CD4: variants seen among roughly 807,000 people sequenced by gnomAD.
CD4 encodes CD4 molecule.
Under a neutral mutation model 50.5 loss-of-function variants are expected in CD4, and 25 were observed. That is an observed-to-expected ratio of 0.49 (90% CI 0.36 to 0.69). The LOEUF (loss-of-function observed/expected upper bound fraction) is 0.69. Ranked by LOEUF, CD4 falls within the 30% of genes least tolerant of loss-of-function variation. The pLI is 0.00. For synonymous variants in CD4, 207 were observed against 221.9 expected (o/e 0.93, Z 0.60); for missense variants, 456 against 548.5 (o/e 0.83, Z 1.68).
rs151282122 is a variant in CD4 at position 6,816,763 on chromosome 12, T to G, written c.955+360T>G. Among the ~76,000 whole-genome samples the G allele has an allele frequency of 1.8e-3, 278 of 152,332 alleles. No individual in the cohort carries two copies. Among genetic ancestry groups the G allele is most frequent in the African/African-American group, 6.1e-3 (254 of 41,572 alleles). Reference sequence around the variant, plus strand: ...CTCTGTGTGATAGTAATGATGATAATGTCAAGCTCCAAATTGAGTTTCTGG... The same window carrying G: ...CTCTGTGTGATAGTAATGATGATAAGGTCAAGCTCCAAATTGAGTTTCTGG... On this transcript the variant is annotated intron_variant, in intron 6 of 9. Coordinates refer to ENST00000011653, the MANE Select transcript of CD4 (RefSeq NM_000616.5). The surrounding 1 kb of genome is among the most constrained non-coding windows in gnomAD (Gnocchi z 4.9).
intron 3 of CD4, among the ~76,000 whole-genome samples, chr12:6,806,182 CAT>C (rs797027720): frequency 4.1e-4 from 33 of 80,012 alleles, no homozygotes; most frequent in South Asian, 1.8e-3. Flanking sequence ...CACACACACA[CAT>C]ACACAAGTAT....
At chr12:6,815,066 C>T (rs1943051017) in intron 5 of CD4, 74 bp downstream of exon 5, 1 of 1,024,132 alleles carries the variant, frequency 9.8e-7, no homozygotes, top group African/African-American at 1.6e-5. Context: ...GCTCTGACTG[C>T]CCTGTTTCTG....
rs782502948 is a variant in CD4, at chr12:6,808,270, A to G, written c.215-5872A>G. Among the ~76,000 whole-genome samples, 42 of 148,098 alleles carry G rather than the reference A, an allele frequency of 2.8e-4. No individual in the cohort carries two copies. In the East Asian group the frequency reaches 3.5e-3, roughly 12 times the overall value. On this transcript the variant is annotated intron_variant, in intron 3 of 9. Coordinates refer to ENST00000011653, the MANE Select transcript of CD4 (RefSeq NM_000616.5). ...GAGATTGAGCCACTCTGGCTAACAC[A>G]GTGAAACCCCGTCTCTACTAAAATA...
In CD4 at chr12:6,818,650, C is replaced by A; in HGVS notation, c.1278+108C>A. 3.6e-6 allele frequency: 5 copies of A among 1,399,850 alleles called. No homozygotes were observed. Among genetic ancestry groups the A allele is most frequent in the African/African-American group, 1.4e-5 (1 of 70,624 alleles). 86.7% of individuals were successfully genotyped at this position (1,399,850 alleles called of 1,614,324 possible). A position where few individuals can be genotyped will look rare whatever the true frequency, so the allele number is the denominator to read the frequency against. On this transcript the variant is annotated intron_variant, in intron 8 of 9. Transcript: ENST00000011653. This position sits in a 1 kb window ranked among gnomAD's most constrained non-coding sequence, Gnocchi z 5.0. ...TTTGGCCCAGCTCCCTCTGCCCACT[C>A]GTAAGTTCCCTTGCTGCCCTGTCCC...
intron 5 of CD4, 88 bp downstream of exon 5, chr12:6,815,080 C>G: frequency 1.1e-6 from 1 of 930,374 alleles, no homozygotes; most frequent in Non-Finnish European, 1.7e-6. Flanking sequence ...GTTTCTGGTT[C>G]TGGTGCTGGG....
chr12:6,796,508 A>G (rs1942380439), intron 1 of CD4, among the ~76,000 whole-genome samples: 1 of 152,154 alleles, frequency 6.6e-6, no homozygotes, highest in Non-Finnish European at 1.5e-5. Flanking sequence ...AAGACACTTG[A>G]GCCCTGCTCC....
chr12:6,813,921 A>C (rs148942025), intron 3 of CD4: 3 of 438,892 alleles, frequency 6.8e-6, no homozygotes, highest in African/African-American at 3.9e-5. Context: ...GTGCTCTCCA[A>C]ATAAGGATAT....
Position 6,814,169 on chromosome 12 carries a change from A to T in CD4, c.242A>T (p.Asp81Val), listed in dbSNP as rs200573785. Residue 81 changes from aspartate to valine, a missense_variant, in exon 4 of 10, where the codon GAC becomes GTC. Transcript: ENST00000011653. ...KGPSKLNDRA[D>V]SRRSLWDQGN... is the part of the protein sequence containing the mutation. Reference sequence around the variant, plus strand: ...CCATCCAAGCTGAATGATCGCGCTGACTCAAGAAGAAGCCTTTGGGACCAA... The same window carrying T: ...CCATCCAAGCTGAATGATCGCGCTGTCTCAAGAAGAAGCCTTTGGGACCAA... 2 of 1,613,932 alleles carry T rather than the reference A, an allele frequency of 1.2e-6. No homozygotes were observed. The highest frequency in any genetic ancestry group is 1.7e-6 in the Non-Finnish European group (2 of 1,179,994).
At chr12:6,790,272 C>T (rs539284722) in intron 1 of CD4, among the ~76,000 whole-genome samples, 23 of 152,224 alleles carry the variant, frequency 1.5e-4, no homozygotes, top group Admixed American at 1.4e-3. Flanking sequence ...TTTCATAAGT[C>T]GCATGATCTA....
At chr12:6,800,500 A>G (rs1942512375) in intron 3 of CD4, 29 bp downstream of exon 3, 1 of 1,591,802 alleles carries the variant, frequency 6.3e-7, no homozygotes, top group Non-Finnish European at 8.6e-7. Context: ...CCATCCAGGG[A>G]GGAAAACACA....
intron 3 of CD4, among the ~76,000 whole-genome samples, chr12:6,803,058 G>T (rs1031229370): frequency 2.6e-5 from 4 of 151,458 alleles, no homozygotes; most frequent in Non-Finnish European, 5.9e-5. Context: ...AAGTAATCTG[G>T]CAATGTTTAA....
Position 6,817,075 on chromosome 12 carries a change from T to G in CD4, c.956-55T>G, listed in dbSNP as rs919830785. On this transcript the variant is annotated intron_variant, in intron 6 of 9. Coordinates refer to ENST00000011653, the MANE Select transcript of CD4 (RefSeq NM_000616.5). ...AAGGTCACCCATATAGAGTATCATTTTAATTGTTCTACTGAATCTCAGGCC... is the reference window on the plus strand; with the variant it reads ...AAGGTCACCCATATAGAGTATCATTGTAATTGTTCTACTGAATCTCAGGCC... 119 of 1,476,190 alleles carry G rather than the reference T, an allele frequency of 8.1e-5. 1 individual carries two copies. The highest frequency in any genetic ancestry group is 2.3e-5 in the East Asian group (1 of 44,004). 91.4% of individuals were successfully genotyped at this position (1,476,190 alleles called of 1,614,324 possible).
intron 3 of CD4, among the ~76,000 whole-genome samples, chr12:6,802,221 G>A (rs782562506): frequency 2.0e-5 from 3 of 151,846 alleles, no homozygotes; most frequent in Admixed American, 6.6e-5. Flanking sequence ...AAAATATTTG[G>A]TCAATGAAGA....
chr12:6,805,966 A>G (rs1942741806), intron 3 of CD4, among the ~76,000 whole-genome samples: 1 of 151,996 alleles, frequency 6.6e-6, no homozygotes, highest in African/African-American at 2.4e-5. Flanking sequence ...AAACAAAAAC[A>G]AAACCAAAAT....
intron 3 of CD4, among the ~76,000 whole-genome samples, chr12:6,812,360 T>G (rs782322383): frequency 7.5e-4 from 114 of 152,012 alleles, no homozygotes; most frequent in African/African-American, 2.6e-3. Context: ...GATCGAACAC[T>G]CGACTCCATA....
rs975600182 is a variant in CD4, at chr12:6,792,331, G to A, written c.-68+2669G>A. Among the ~76,000 whole-genome samples, 3 of 152,174 alleles carry A rather than the reference G, an allele frequency of 2.0e-5. No homozygotes were observed. The highest frequency in any genetic ancestry group is 1.3e-4 in the Admixed American group (2 of 15,278). On this transcript the variant is annotated intron_variant, in intron 1 of 9. Coordinates refer to ENST00000011653, the MANE Select transcript of CD4 (RefSeq NM_000616.5). This position sits in a 1 kb window ranked among gnomAD's most constrained non-coding sequence, Gnocchi z 4.1. ...GAACCTCAAGGCTCTGAGAAAGTGC[G>A]TGGTGTGTGTTGCCATTTTGGTCTC...
chr12:6,798,217 T>A (rs1942429903), intron 1 of CD4, among the ~76,000 whole-genome samples: 2 of 136,698 alleles, frequency 1.5e-5, no homozygotes, highest in South Asian at 4.3e-4. Context: ...TCGCCCAGGC[T>A]GGAGTGCAGT....
intron 3 of CD4, among the ~76,000 whole-genome samples, chr12:6,805,611 T>A (rs1942727792): frequency 6.6e-6 from 1 of 151,032 alleles, no homozygotes; most frequent in Non-Finnish European, 1.5e-5. Context: ...TGCTAAAAAC[T>A]ACACGATGCT....
At chr12:6,814,121 C>T (rs200263206) in intron 3 of CD4, 21 bp from the exon 4 acceptor site, 18 of 1,611,244 alleles carry the variant, frequency 1.1e-5, no homozygotes, top group Non-Finnish European at 1.4e-5. Flanking sequence ...CAGTCCCCCC[C>T]CATATGTCTT....
Sources: allele counts gnomAD v4.1 joint callset (sites outside exome capture counted in the v4.1 genomes callset), GRCh38; gene constraint gnomAD v4.1.1; non-coding constraint Gnocchi (gnomAD v3.1); transcripts MANE v1.5; gene names NCBI Gene and HGNC (gene_info 2026-07-23, HGNC 2026-07-21).